Variants in DACH1 observed in about 807,000 individuals in gnomAD.
DACH1 encodes the protein dachshund homolog 1.
DACH1 carries 12 observed loss-of-function variants against 54.2 expected under a neutral mutation model. The observed-to-expected ratio is 0.22, with a 90% CI of 0.14 to 0.36. The LOEUF (loss-of-function observed/expected upper bound fraction) is 0.36. Ranked by LOEUF, DACH1 falls within the 10% of genes least tolerant of loss-of-function variation. The pLI is 1.00. For synonymous variants in DACH1, 386 were observed against 366.2 expected, an observed-to-expected ratio of 1.05 and a Z score of -0.62; for missense variants, 805 against 929.8, an observed-to-expected ratio of 0.87 and a Z score of 1.75.
intron 1 of DACH1, among the ~76,000 whole-genome samples, chr13:71,738,169 A>C (rs1884221351): frequency 6.6e-6 from 1 of 152,202 alleles, no homozygotes; most frequent in Admixed American, 6.5e-5. Flanking sequence ...AATTTTCATC[A>C]GTAAGAGTAG....
intron 3 of DACH1, among the ~76,000 whole-genome samples, chr13:71,625,868 T>C (rs1876607852): frequency 6.6e-6 from 1 of 151,964 alleles, no homozygotes. Flanking sequence ...GTTTAAACAA[T>C]GAGATTTTCT....
chr13:71,761,667 T>A (rs1308545704), intron 1 of DACH1, among the ~76,000 whole-genome samples: 1 of 152,100 alleles, frequency 6.6e-6, no homozygotes, highest in Non-Finnish European at 1.5e-5. Flanking sequence ...CAGGTTTTGA[T>A]CCAGTAGGTC....
intron 1 of DACH1, among the ~76,000 whole-genome samples, chr13:71,765,300 C>T (rs551798457): frequency 6.6e-6 from 1 of 152,324 alleles, no homozygotes; most frequent in East Asian, 1.9e-4. Context: ...TAATCTGTGA[C>T]TAAATTCCAT....
At chr13:71,607,929 A>G (rs1874998084) in intron 3 of DACH1, among the ~76,000 whole-genome samples, 1 of 152,044 alleles carries the variant, frequency 6.6e-6, no homozygotes, top group Non-Finnish European at 1.5e-5. Context: ...TTAGGAATGA[A>G]GATACTGATG....
chr13:71,675,543 T>C (rs1221853205), intron 2 of DACH1: 17 of 903,220 alleles, frequency 1.9e-5, no homozygotes, highest in Non-Finnish European at 2.8e-5. Context: ...CTTCCTGTTA[T>C]TGGTAGTTCT....
At chr13:71,555,677 A>AT (rs981178090) in intron 6 of DACH1, among the ~76,000 whole-genome samples, 16 of 152,024 alleles carry the variant, frequency 1.1e-4, no homozygotes, top group Non-Finnish European at 1.8e-4. Context: ...CTATGCATGG[A>AT]TTTTTTATTA....
At chr13:71,710,453 TG>T (rs1400550493) in intron 1 of DACH1, among the ~76,000 whole-genome samples, 17 of 2,076 alleles carry the variant, frequency 8.2e-3, no homozygotes, top group East Asian at 0.014. Context: ...ATGAGGGTTT[TG>T]TGTGTGTGTG....
chr13:71,489,382 G>C (rs971492148), intron 6 of DACH1, among the ~76,000 whole-genome samples: 2 of 152,092 alleles, frequency 1.3e-5, no homozygotes, highest in African/African-American at 2.4e-5. Flanking sequence ...ATGAGACTGA[G>C]TTTACAGTGC....
intron 3 of DACH1, among the ~76,000 whole-genome samples, chr13:71,607,267 T>A (rs1874943856): frequency 6.6e-6 from 1 of 151,984 alleles, no homozygotes; most frequent in Admixed American, 6.6e-5. Flanking sequence ...TTACGTTGCA[T>A]TTCTTCTATT....
intron 6 of DACH1, among the ~76,000 whole-genome samples, chr13:71,536,679 G>A (rs1882827197): frequency 6.6e-6 from 1 of 152,072 alleles, no homozygotes; most frequent in Non-Finnish European, 1.5e-5. Flanking sequence ...TGTTTATTCT[G>A]TGTGGGGCAC....
chr13:71,598,838 T>G (rs1482731980), intron 3 of DACH1, among the ~76,000 whole-genome samples: 3 of 152,210 alleles, frequency 2.0e-5, no homozygotes, highest in African/African-American at 7.2e-5. Flanking sequence ...GAAAATTATG[T>G]GGGAAAGATA....
chr13:71,599,827 CTA>C (rs1491414516), intron 3 of DACH1, among the ~76,000 whole-genome samples: 5 of 46,824 alleles, frequency 1.1e-4, no homozygotes, highest in Non-Finnish European at 2.1e-4. Context: ...AAACACATTT[CTA>C]CACACACACA....
rs1451707738 is a variant in DACH1 at position 71,866,329 on chromosome 13, GCTGCTA to G, written c.435_440del (p.Ser162_Ser163del). On this transcript the variant is annotated inframe_deletion, in exon 1 of 11. Transcript: ENST00000613252. ...TGCTACTACTGCTGCTGCTGCTGCT[GCTGCTA>G]CTGCTGCTGCTGCTGCTGCCGGTGC... is the stretch of plus-strand genomic sequence containing the variant. The G allele has an allele frequency of 6.5e-7, 1 of 1,538,244 alleles. No homozygotes were observed. Among genetic ancestry groups the G allele is most frequent in the Middle Eastern group, 2.1e-4 (1 of 4,680 alleles).
chr13:71,472,335 A>G (rs1877154646), intron 10 of DACH1, among the ~76,000 whole-genome samples: 1 of 152,086 alleles, frequency 6.6e-6, no homozygotes, highest in Non-Finnish European at 1.5e-5. Context: ...CCTCTTGTCC[A>G]CCTCTGTGGT....
At chr13:71,810,011 A>G (rs186269171) in intron 1 of DACH1, among the ~76,000 whole-genome samples, 11 of 152,342 alleles carry the variant, frequency 7.2e-5, no homozygotes, top group African/African-American at 1.7e-4. Flanking sequence ...CTGTAGACAG[A>G]GAACTGAATC....
chr13:71,668,133 A>T (rs1879966354), intron 2 of DACH1, among the ~76,000 whole-genome samples: 1 of 151,972 alleles, frequency 6.6e-6, no homozygotes, highest in African/African-American at 2.4e-5. Context: ...TTTAAGGAAT[A>T]ATGCTTTACT....
At chr13:71,648,599 T>C (rs1594042732) in intron 2 of DACH1, among the ~76,000 whole-genome samples, 1 of 152,100 alleles carries the variant, frequency 6.6e-6, no homozygotes, top group Non-Finnish European at 1.5e-5. Context: ...ACAAAGAATA[T>C]GGGTTTTGAA....
chr13:71,528,931 G>A (rs1882207059), intron 6 of DACH1, among the ~76,000 whole-genome samples: 1 of 152,006 alleles, frequency 6.6e-6, no homozygotes, highest in African/African-American at 2.4e-5. Flanking sequence ...ATTAATATTA[G>A]AGAATATTTA....
intron 2 of DACH1, among the ~76,000 whole-genome samples, chr13:71,646,280 T>C (rs2043531929): frequency 6.7e-6 from 1 of 148,626 alleles, no homozygotes; most frequent in Non-Finnish European, 1.5e-5. Context: ...GAGCTTGCAG[T>C]GAGCCGAGAC....
Sources: allele counts gnomAD v4.1 joint callset (sites outside exome capture counted in the v4.1 genomes callset), GRCh38; gene constraint gnomAD v4.1.1; transcripts MANE v1.5; gene names NCBI Gene and HGNC (gene_info 2026-07-23, HGNC 2026-07-21).